Variants in FSTL5 observed in about 807,000 individuals in gnomAD.
The protein encoded by FSTL5 is follistatin-related protein 5.
In FSTL5, 62 loss-of-function variants were observed where a neutral mutation model predicts 89.1. The observed-to-expected ratio is 0.70, with a 90% CI of 0.57 to 0.86. The LOEUF (loss-of-function observed/expected upper bound fraction) is 0.86, where lower values mean the gene tolerates loss of function less well. Ranked by LOEUF, FSTL5 falls within the 40% of genes least tolerant of loss-of-function variation. The pLI is 0.00. For missense variants in FSTL5, 1,057 were observed against 1,001.6 expected (o/e 1.06, Z -0.75); for synonymous variants, 383 against 346.2 (o/e 1.11, Z -1.18).
intron 4 of FSTL5, among the ~76,000 whole-genome samples, chr4:161,871,204 A>C (rs1560891738): frequency 6.6e-6 from 1 of 152,124 alleles, no homozygotes; most frequent in South Asian, 2.1e-4. Flanking sequence ...TGCCATTAAC[A>C]CAGATTACTG....
intron 7 of FSTL5, among the ~76,000 whole-genome samples, chr4:161,610,842 T>G (rs1461785276): frequency 6.6e-6 from 1 of 152,034 alleles, no homozygotes; most frequent in Admixed American, 6.6e-5. Flanking sequence ...GTGCTGTAAT[T>G]TATATCTGGT....
At chr4:162,090,447 C>CA in intron 2 of FSTL5, among the ~76,000 whole-genome samples, 1 of 151,904 alleles carries the variant, frequency 6.6e-6, no homozygotes, top group Non-Finnish European at 1.5e-5. Context: ...AGACATTTCT[C>CA]AAAAAAAGAC....
At chr4:161,888,834 T>A (rs964615905) in intron 4 of FSTL5, among the ~76,000 whole-genome samples, 9 of 152,076 alleles carry the variant, frequency 5.9e-5, no homozygotes, top group African/African-American at 9.6e-5. Context: ...AAATAAATAT[T>A]AATTTTAAAA....
intron 2 of FSTL5, among the ~76,000 whole-genome samples, chr4:162,052,806 T>C (rs1199050387): frequency 6.6e-6 from 1 of 151,888 alleles, no homozygotes; most frequent in African/African-American, 2.4e-5. Flanking sequence ...ATCTACTCTC[T>C]TAGTTTTCAA....
chr4:161,971,097 T>C (rs1357736500), intron 3 of FSTL5, among the ~76,000 whole-genome samples: 2 of 152,120 alleles, frequency 1.3e-5, no homozygotes, highest in African/African-American at 4.8e-5. Flanking sequence ...TGCCATATCA[T>C]AATAGCCATA....
rs572715596 is a variant in FSTL5 at position 161,853,336 on chromosome 4, C to T, written c.409+67068G>A. The stretch of plus-strand genomic sequence containing the variant: ...AGGCTGGCGTGCAGTGGCACGATCT[C>T]GGCTCACTGCAACCTCCGCTTCCTG... On this transcript the variant is annotated intron_variant, in intron 4 of 15. Coordinates refer to ENST00000306100, the MANE Select transcript of FSTL5 (RefSeq NM_020116.5). Among the ~76,000 whole-genome samples, 5 of 152,060 alleles carry T rather than the reference C, an allele frequency of 3.3e-5. No homozygotes were observed. The South Asian group carries it at 6.2e-4, about 19-fold the overall frequency.
intron 13 of FSTL5, among the ~76,000 whole-genome samples, chr4:161,466,932 A>G (rs971486096): frequency 2.0e-5 from 3 of 152,050 alleles, no homozygotes; most frequent in African/African-American, 7.2e-5. Context: ...ATAATATGTA[A>G]TATTCAGTTT....
In FSTL5 at chr4:161,830,644, CTGTT is replaced by C. The variant is rs1474195671; in HGVS notation, c.410-54574_410-54571del. ...TATTGCAAACTGAACATGCTTTTGT[CTGTT>C]TAACAGAACATACAATTAAATAAAA... On this transcript the variant is annotated intron_variant, in intron 4 of 15. Transcript: ENST00000306100. Among the ~76,000 whole-genome samples the C allele has an allele frequency of 2.6e-5, 4 of 151,928 alleles. No individual in the cohort carries two copies. In the East Asian group the frequency reaches 7.7e-4, roughly 29 times the overall value.
At chr4:162,082,820 CTT>C (rs34774825) in intron 2 of FSTL5, among the ~76,000 whole-genome samples, 10 of 146,936 alleles carry the variant, frequency 6.8e-5, no homozygotes, top group Middle Eastern at 3.5e-3. Flanking sequence ...TTTCTTTTCT[CTT>C]TTTTTTTTTG....
chr4:162,066,364 T>TCTTCTTCTTCTTCTC (rs1738912177), intron 2 of FSTL5, among the ~76,000 whole-genome samples: 1 of 136,106 alleles, frequency 7.3e-6, no homozygotes, highest in Non-Finnish European at 1.6e-5. Flanking sequence ...TCCTTCTTCT[T>TCTTCTTCTTCTTCTC]CTTCTTCTCC....
chr4:161,785,243 T>G (rs1289197787), intron 4 of FSTL5, among the ~76,000 whole-genome samples: 1 of 152,196 alleles, frequency 6.6e-6, no homozygotes, highest in Non-Finnish European at 1.5e-5. Context: ...CCATTTGTCT[T>G]GGGTGAAAGT....
chr4:161,531,857 G>C (rs991310640), intron 10 of FSTL5, among the ~76,000 whole-genome samples: 1 of 152,102 alleles, frequency 6.6e-6, no homozygotes, highest in African/African-American at 2.4e-5. Flanking sequence ...CAATTATTGG[G>C]TTTTCTAGGC....
rs182674546 is a variant in FSTL5 at position 161,862,602 on chromosome 4, C to T, written c.409+57802G>A. On this transcript the variant is annotated intron_variant, in intron 4 of 15. Coordinates refer to ENST00000306100, the MANE Select transcript of FSTL5 (RefSeq NM_020116.5). ...ACAAAATTAGCTGGGTGTGGTGGTG[C>T]GCACCTGTAGTCCCAGCTACTCGTG... Among the ~76,000 whole-genome samples, 876 of 152,054 alleles carry T rather than the reference C, an allele frequency of 5.8e-3. 8 individuals carry two copies. Among genetic ancestry groups the T allele is most frequent in the African/African-American group, 0.02 (828 of 41,486 alleles).
At chr4:161,394,996 T>C (rs1295733183) in intron 15 of FSTL5, among the ~76,000 whole-genome samples, 2 of 152,120 alleles carry the variant, frequency 1.3e-5, no homozygotes, top group Non-Finnish European at 2.9e-5. Flanking sequence ...TTTTTGTAGA[T>C]ACCAAATTTT....
intron 4 of FSTL5, among the ~76,000 whole-genome samples, chr4:161,846,095 T>TTG (rs150894352): frequency 6.6e-6 from 1 of 151,286 alleles, no homozygotes. Flanking sequence ...GTGTGTGTGT[T>TTG]TGTGTGTGTG....
chr4:161,600,107 T>G (rs1734171892), intron 7 of FSTL5, among the ~76,000 whole-genome samples: 1 of 151,108 alleles, frequency 6.6e-6, no homozygotes. Context: ...ATTCCATATT[T>G]ACATAGCTAC....
At chr4:161,832,559 C>T (rs1730882662) in intron 4 of FSTL5, among the ~76,000 whole-genome samples, 1 of 152,106 alleles carries the variant, frequency 6.6e-6, no homozygotes, top group African/African-American at 2.4e-5. Flanking sequence ...AATTTCAGAG[C>T]CTGTTATTGG....
chr4:161,818,067 C>T (rs1393789121), intron 4 of FSTL5, among the ~76,000 whole-genome samples: 1 of 152,202 alleles, frequency 6.6e-6, no homozygotes, highest in East Asian at 1.9e-4. Context: ...CCTGAAACTC[C>T]AGCAAGGCAG....
chr4:161,801,948 T>C (rs1729808619), intron 4 of FSTL5, among the ~76,000 whole-genome samples: 1 of 151,684 alleles, frequency 6.6e-6, no homozygotes, highest in Non-Finnish European at 1.5e-5. Flanking sequence ...CTTCACAGTA[T>C]TTAAGAATAG....
Sources: allele counts gnomAD v4.1 joint callset (sites outside exome capture counted in the v4.1 genomes callset), GRCh38; gene constraint gnomAD v4.1.1; transcripts MANE v1.5; gene names NCBI Gene and HGNC (gene_info 2026-07-23, HGNC 2026-07-21).